The following DLC1 variants were observed in gnomAD, a reference collection of about 807,000 sequenced individuals.
DLC1 encodes rho GTPase-activating protein 7.
DLC1 carries 54 observed loss-of-function variants against 140.3 expected under a neutral mutation model. The observed-to-expected ratio is 0.38, with a 90% CI of 0.31 to 0.48. The LOEUF (loss-of-function observed/expected upper bound fraction) is 0.48. Ranked by LOEUF, DLC1 falls within the 20% of genes least tolerant of loss-of-function variation. The pLI, the probability that DLC1 is intolerant of heterozygous loss-of-function variation, is 0.96. For synonymous variants in DLC1, 986 were observed against 728.1 expected, an observed-to-expected ratio of 1.35 and a Z score of -5.70; for missense variants, 2,536 against 1,907.0, an observed-to-expected ratio of 1.33 and a Z score of -6.14.
intron 2 of DLC1, among the ~76,000 whole-genome samples, chr8:13,417,936 G>C (rs1477652317): frequency 6.6e-6 from 1 of 152,108 alleles, no homozygotes; most frequent in Non-Finnish European, 1.5e-5. Flanking sequence ...TCTCATTGTG[G>C]TTTTGATTTG....
intron 5 of DLC1, among the ~76,000 whole-genome samples, chr8:13,147,989 A>G (rs1009466605): frequency 6.6e-6 from 1 of 152,216 alleles, no homozygotes; most frequent in African/African-American, 2.4e-5. Context: ...TCCATCTCAA[A>G]AAAAGAAGAA....
At chr8:13,222,652 G>T (rs1828612319) in intron 5 of DLC1, among the ~76,000 whole-genome samples, 1 of 152,062 alleles carries the variant, frequency 6.6e-6, no homozygotes, top group African/African-American at 2.4e-5. Context: ...ATTTTCATGT[G>T]ATACTCCATC....
intron 4 of DLC1, among the ~76,000 whole-genome samples, chr8:13,320,714 G>A (rs185896874): frequency 6.6e-6 from 1 of 152,216 alleles, no homozygotes; most frequent in African/African-American, 2.4e-5. Context: ...TGTGAGAACG[G>A]GTTGTTGAAA....
chr8:13,596,079 G>T (rs964584706), intron 1 of DLC1, among the ~76,000 whole-genome samples: 58 of 152,102 alleles, frequency 3.8e-4, no homozygotes, highest in African/African-American at 9.9e-4. Context: ...CTAAGTTTCA[G>T]TTGGATTTGT....
chr8:13,404,149 A>C (rs566307581), intron 2 of DLC1, among the ~76,000 whole-genome samples: 6 of 152,300 alleles, frequency 3.9e-5, no homozygotes, highest in Admixed American at 3.9e-4. Flanking sequence ...TTTAAGATCA[A>C]AGTGGAATAG....
intron 1 of DLC1, among the ~76,000 whole-genome samples, chr8:13,506,567 A>ACGTG (rs1491321792): frequency 2.9e-4 from 32 of 111,812 alleles, no homozygotes; most frequent in African/African-American, 1.0e-3. Context: ...ACACACACAC[A>ACGTG]TGTGTGTGTG....
At chr8:13,365,041 G>A (rs895700089) in intron 4 of DLC1, among the ~76,000 whole-genome samples, 4 of 152,278 alleles carry the variant, frequency 2.6e-5, no homozygotes, top group Admixed American at 6.5e-5. Flanking sequence ...ACTAGGACAC[G>A]TGTCTTGCTG....
chr8:13,141,997 G>A (rs930934252), intron 5 of DLC1, among the ~76,000 whole-genome samples: 7 of 152,152 alleles, frequency 4.6e-5, no homozygotes, highest in Admixed American at 6.5e-5. Context: ...ATTGGATTAC[G>A]GGGGTGGTTT....
At chr8:13,464,766 T>TTTATA (rs1799850915) in intron 2 of DLC1, among the ~76,000 whole-genome samples, 1 of 7,556 alleles carries the variant, frequency 1.3e-4, no homozygotes, top group African/African-American at 4.1e-4. Context: ...ATATATATAT[T>TTTATA]TATATATATA....
chr8:13,601,211 A>T (rs1204261147), intron 1 of DLC1, among the ~76,000 whole-genome samples: 1 of 151,768 alleles, frequency 6.6e-6, no homozygotes, highest in African/African-American at 2.4e-5. Flanking sequence ...GCTCACCAGT[A>T]AGTTAGCTTT....
At chr8:13,470,746 G>C (rs1800168055) in intron 2 of DLC1, among the ~76,000 whole-genome samples, 1 of 152,054 alleles carries the variant, frequency 6.6e-6, no homozygotes, top group South Asian at 2.1e-4. Context: ...TAATAGAACT[G>C]CATGAGCCAG....
chr8:13,276,545 C>G, intron 5 of DLC1: 1 of 1,291,008 alleles, frequency 7.7e-7, no homozygotes, highest in Admixed American at 4.2e-5. Flanking sequence ...GAAGCGCCAA[C>G]TGCAGGCGGC....
intron 4 of DLC1, among the ~76,000 whole-genome samples, chr8:13,347,525 C>CAG (rs1834406087): frequency 6.6e-6 from 1 of 152,104 alleles, no homozygotes; most frequent in Non-Finnish European, 1.5e-5. Flanking sequence ...ACAGCCCATT[C>CAG]CATATAATGA....
At chr8:13,417,964 G>T (rs1420616790) in intron 2 of DLC1, among the ~76,000 whole-genome samples, 5 of 152,198 alleles carry the variant, frequency 3.3e-5, no homozygotes, top group African/African-American at 7.2e-5. Context: ...CTGATGGCCA[G>T]TGATGATGAG....
At chr8:13,447,190 A>T (rs1798816349) in intron 2 of DLC1, among the ~76,000 whole-genome samples, 1 of 152,172 alleles carries the variant, frequency 6.6e-6, no homozygotes, top group African/African-American at 2.4e-5. Context: ...ATGAGAATAT[A>T]GTTAATTTTT....
At chr8:13,364,035 G>C (rs989263557) in intron 4 of DLC1, among the ~76,000 whole-genome samples, 3 of 152,186 alleles carry the variant, frequency 2.0e-5, no homozygotes, top group African/African-American at 7.2e-5. Flanking sequence ...GGGTGTGTGT[G>C]TATGTGTGTG....
chr8:13,438,020 C>G (rs1025779724), intron 2 of DLC1, among the ~76,000 whole-genome samples: 18 of 148,314 alleles, frequency 1.2e-4, no homozygotes, highest in Non-Finnish European at 2.1e-4. Flanking sequence ...TATGATCTAC[C>G]TCTTTTTTTT....
At chr8:13,557,987 C>A (rs1804111072) in intron 1 of DLC1, 1 of 152,108 alleles carries the variant, frequency 6.6e-6, no homozygotes, top group African/African-American at 2.4e-5. Context: ...TATTGTTTTT[C>A]CAGAAAGTTC....
At chr8:13,563,887 G>A (rs1019036659) in intron 1 of DLC1, among the ~76,000 whole-genome samples, 2 of 151,790 alleles carry the variant, frequency 1.3e-5, no homozygotes, top group Admixed American at 1.3e-4. Context: ...GAATGGAAAG[G>A]TTCATTTTAT....
Sources: allele counts gnomAD v4.1 joint callset (sites outside exome capture counted in the v4.1 genomes callset), GRCh38; gene constraint gnomAD v4.1.1; transcripts MANE v1.5; gene names NCBI Gene and HGNC (gene_info 2026-07-23, HGNC 2026-07-21).